The following ATP8B4 variants were observed in gnomAD, a reference collection of about 807,000 sequenced individuals.
The protein encoded by ATP8B4 is probable phospholipid-transporting ATPase IM.
Under a neutral mutation model 145.6 loss-of-function variants are expected in ATP8B4, and 133 were observed. That is an observed-to-expected ratio of 0.91 (90% CI 0.79 to 1.05). The LOEUF is 1.05. Ranked by LOEUF, ATP8B4 falls within the 50% of genes least tolerant of loss-of-function variation. The pLI, the probability that ATP8B4 is intolerant of heterozygous loss-of-function variation, is 0.00. For synonymous variants in ATP8B4, 507 were observed against 492.9 expected (o/e 1.03, Z -0.38); for missense variants, 1,458 against 1,425.2 (o/e 1.02, Z -0.37).
chr15:50,168,224 G>A (rs547809551), intron 1 of ATP8B4, among the ~76,000 whole-genome samples: 3 of 152,252 alleles, frequency 2.0e-5, no homozygotes, highest in African/African-American at 4.8e-5. Flanking sequence ...AGCAGCATGC[G>A]AAGGCTCGCA....
intron 20 of ATP8B4, among the ~76,000 whole-genome samples, chr15:49,914,418 A>C (rs557167139): frequency 5.2e-4 from 79 of 152,292 alleles, no homozygotes; most frequent in African/African-American, 1.9e-3. Flanking sequence ...ACTGGTCTCT[A>C]GGCAATGATT....
chr15:49,901,078 T>C lies in ATP8B4; in HGVS notation c.2289+14A>G, dbSNP rs763706545. ...TGAAGAAAAAGAAAGGACAAAAACC[T>C]TAGGCAAACTCACCAAACTGTGGCC... On this transcript the variant is annotated intron_variant, in intron 21 of 27. Coordinates refer to ENST00000284509, the MANE Select transcript of ATP8B4 (RefSeq NM_024837.4). 2.5e-6 allele frequency: 4 copies of C among 1,609,810 alleles called. No individual in the cohort carries two copies. The East Asian group carries it at 8.9e-5, about 36-fold the overall frequency.
intron 1 of ATP8B4, among the ~76,000 whole-genome samples, chr15:50,112,881 C>G (rs991024927): frequency 1.3e-5 from 2 of 152,086 alleles, no homozygotes; most frequent in African/African-American, 4.8e-5. Flanking sequence ...TCAACAAGGC[C>G]CCTGCTTCCC....
chr15:50,173,024 A>C (rs8041483), intron 1 of ATP8B4, among the ~76,000 whole-genome samples: 2 of 136,840 alleles, frequency 1.5e-5, no homozygotes, highest in African/African-American at 2.9e-5. Flanking sequence ...GGCAGCCCCC[A>C]TCCGGGAGGT....
chr15:50,012,016 T>G (rs75694571), intron 6 of ATP8B4, among the ~76,000 whole-genome samples: 17,178 of 152,180 alleles, frequency 0.11, 1,350 homozygotes, highest in African/African-American at 0.22. Flanking sequence ...AACACTCAAA[T>G]AATTTTTCTT....
intron 3 of ATP8B4, among the ~76,000 whole-genome samples, chr15:50,050,713 T>C (rs2052110587): frequency 6.7e-6 from 1 of 149,616 alleles, no homozygotes; most frequent in Non-Finnish European, 1.5e-5. Flanking sequence ...CAAATTAATG[T>C]TAACAATTTT....
chr15:50,177,209 G>C (rs964114292), intron 1 of ATP8B4, among the ~76,000 whole-genome samples: 16 of 152,142 alleles, frequency 1.1e-4, no homozygotes, highest in African/African-American at 3.6e-4. Flanking sequence ...ATACTTTTTT[G>C]TCAAGAATGG....
chr15:50,150,465 T>A (rs762146073), intron 1 of ATP8B4, among the ~76,000 whole-genome samples: 5 of 152,204 alleles, frequency 3.3e-5, no homozygotes, highest in Non-Finnish European at 7.3e-5. Context: ...TCAATCAACC[T>A]ATAGTTGGAT....
At chr15:50,145,513 A>T (rs2044264644) in intron 1 of ATP8B4, among the ~76,000 whole-genome samples, 1 of 152,206 alleles carries the variant, frequency 6.6e-6, no homozygotes, top group Non-Finnish European at 1.5e-5. Flanking sequence ...TCCACAGCTC[A>T]TCATTCCATG....
chr15:50,052,464 G>A (rs2052262401), intron 3 of ATP8B4, among the ~76,000 whole-genome samples: 1 of 152,206 alleles, frequency 6.6e-6, no homozygotes, highest in African/African-American at 2.4e-5. Context: ...CCCACATAGT[G>A]GGAAAGTGCC....
intron 1 of ATP8B4, among the ~76,000 whole-genome samples, chr15:50,114,103 C>CTTTCTTTTTTTTTTTTTTT (rs1555494034): frequency 3.6e-5 from 2 of 55,644 alleles, no homozygotes; most frequent in Non-Finnish European, 6.3e-5. Flanking sequence ...CTCCTAGTTT[C>CTTTCTTTTTTTTTTTTTTT]TTTTTTTTTT....
intron 13 of ATP8B4, among the ~76,000 whole-genome samples, chr15:49,966,467 A>T (rs1421439546): frequency 6.6e-6 from 1 of 152,206 alleles, no homozygotes; most frequent in Admixed American, 6.5e-5. Context: ...AGGCTTGAGT[A>T]GGCAGTTTTC....
intron 21 of ATP8B4, among the ~76,000 whole-genome samples, chr15:49,900,740 T>C (rs1475674627): frequency 1.3e-5 from 2 of 152,284 alleles, no homozygotes; most frequent in Admixed American, 6.5e-5. Context: ...TTATAATACA[T>C]CCACCCAGTT....
At chr15:49,918,671 A>G (rs1384589643) in intron 19 of ATP8B4, among the ~76,000 whole-genome samples, 168 bp downstream of exon 19, 1 of 152,244 alleles carries the variant, frequency 6.6e-6, no homozygotes, top group Admixed American at 6.5e-5. Flanking sequence ...GGTTTGTTTT[A>G]AAATAGATTC....
chr15:49,931,415 C>T (rs2041243853), intron 15 of ATP8B4, 108 bp from the exon 16 acceptor site: 1 of 1,090,842 alleles, frequency 9.2e-7, no homozygotes, highest in Admixed American at 2.7e-5. Context: ...AGCATCAGGT[C>T]TAAAAATCTT....
intron 10 of ATP8B4, among the ~76,000 whole-genome samples, chr15:49,983,333 G>A (rs1376429032): frequency 2.0e-5 from 3 of 152,126 alleles, no homozygotes; most frequent in African/African-American, 7.2e-5. Flanking sequence ...TTATCTCAGT[G>A]AGCATCATCA....
chr15:49,882,465 T>C (rs931085255), intron 23 of ATP8B4, among the ~76,000 whole-genome samples: 9 of 152,144 alleles, frequency 5.9e-5, no homozygotes, highest in Non-Finnish European at 1.5e-5. Flanking sequence ...GTCATAATAG[T>C]CCCCAAACAA....
chr15:49,958,926 C>CT (rs908038999), intron 14 of ATP8B4, among the ~76,000 whole-genome samples: 2 of 151,884 alleles, frequency 1.3e-5, no homozygotes, highest in Non-Finnish European at 2.9e-5. Context: ...TTTATATAAA[C>CT]TGTCCCACAG....
At chr15:49,971,821 CAT>C (rs1364821947) in intron 13 of ATP8B4, among the ~76,000 whole-genome samples, 1 of 152,126 alleles carries the variant, frequency 6.6e-6, no homozygotes, top group Non-Finnish European at 1.5e-5. Context: ...CACATGCACA[CAT>C]ATGTTTACTG....
Sources: gnomAD v4.1 joint callset for allele counts (sites outside exome capture counted in the v4.1 genomes callset) on GRCh38, gnomAD v4.1.1 for gene constraint, MANE v1.5 for transcripts, NCBI Gene and HGNC (gene_info 2026-07-23, HGNC 2026-07-21) for gene names.